PSD3: variants seen among roughly 807,000 people sequenced by gnomAD.
PSD3 encodes pleckstrin and Sec7 domain containing 3.
A neutral mutation model predicts 105.5 loss-of-function variants in PSD3; 49 were observed. The observed-to-expected ratio is 0.46, with a 90% CI of 0.37 to 0.59. PSD3 has a LOEUF of 0.59. Among genes scored for constraint, PSD3 ranks in the 20% least tolerant of loss-of-function variants. The probability of loss-of-function intolerance (pLI) is 0.00; values close to 1 mark genes in which losing one functional copy is unlikely to be tolerated. For synonymous variants in PSD3, 557 were observed against 457.8 expected (o/e 1.22, Z -2.77); for missense variants, 1,561 against 1,263.8 (o/e 1.24, Z -3.57).
intron 9 of PSD3, among the ~76,000 whole-genome samples, chr8:18,710,974 C>G (rs571738969): frequency 6.6e-6 from 1 of 151,564 alleles, no homozygotes; most frequent in African/African-American, 2.4e-5. Flanking sequence ...TGAGCCACTG[C>G]GCCTGGTCTC....
intron 9 of PSD3, among the ~76,000 whole-genome samples, chr8:18,697,204 A>C (rs1446825968): frequency 1.3e-5 from 2 of 152,204 alleles, no homozygotes; most frequent in East Asian, 3.8e-4. Context: ...GAATATCTCA[A>C]TTTGGACTAG....
intron 9 of PSD3, among the ~76,000 whole-genome samples, chr8:18,759,251 T>G (rs1424370820): frequency 6.6e-6 from 1 of 152,122 alleles, no homozygotes; most frequent in Non-Finnish European, 1.5e-5. Context: ...AAACATCTAA[T>G]AGCAAGCAAT....
At chr8:18,901,155 C>A (rs1819477803) in intron 2 of PSD3, among the ~76,000 whole-genome samples, 1 of 152,170 alleles carries the variant, frequency 6.6e-6, no homozygotes, top group African/African-American at 2.4e-5. Flanking sequence ...ATTCATGTCA[C>A]AACTCTTGTT....
In PSD3 at chr8:18,594,139, TATATTATATAATATATATTATTATATAC is replaced by T. The variant is rs1563358146; in HGVS notation, c.2481+6197_2481+6224del. 9.7e-4 allele frequency among the ~76,000 whole-genome samples: 30 copies of T among 30,798 alleles called. 1 individual carries two copies. The highest frequency in any genetic ancestry group is 1.4e-3 in the African/African-American group (16 of 11,496). The allele number at this position is 30,798 out of a possible 152,430, so 20.2% of individuals were successfully genotyped here. A position where few individuals can be genotyped will look rare whatever the true frequency, so the allele number is the denominator to read the frequency against. ...AAAGTATAATAATATATATTATATATATATTATATAATATATATTATTATATACATATTATATAATATATATTATTATA... is the reference window on the plus strand; with the variant it reads ...AAAGTATAATAATATATATTATATATATATTATATAATATATATTATTATA... On this transcript the variant is annotated intron_variant, in intron 12 of 15. Transcript: ENST00000327040.
intron 4 of PSD3, among the ~76,000 whole-genome samples, chr8:18,845,046 T>C (rs1237400436): frequency 1.3e-5 from 2 of 152,148 alleles, no homozygotes; most frequent in Non-Finnish European, 2.9e-5. Context: ...AATCTTGTTA[T>C]GTAAAGGGGA....
intron 1 of PSD3, among the ~76,000 whole-genome samples, chr8:19,037,235 C>T (rs533867613): frequency 3.3e-5 from 5 of 152,360 alleles, no homozygotes; most frequent in African/African-American, 9.6e-5. Context: ...GAAAGGTCTG[C>T]TTGCAAGATG....
chr8:19,075,659 A>G (rs1371926169), intron 1 of PSD3, among the ~76,000 whole-genome samples: 1 of 152,162 alleles, frequency 6.6e-6, no homozygotes, highest in Non-Finnish European at 1.5e-5. Context: ...TTTTCCTTAA[A>G]TTACGATGTG....
chr8:18,887,944 C>G (rs1038292212), intron 2 of PSD3, among the ~76,000 whole-genome samples: 3 of 152,150 alleles, frequency 2.0e-5, no homozygotes, highest in African/African-American at 7.2e-5. Flanking sequence ...ATGATTAACC[C>G]ATTTTATAGA....
intron 11 of PSD3, among the ~76,000 whole-genome samples, chr8:18,619,726 G>A (rs542735664): frequency 1.3e-5 from 2 of 152,084 alleles, no homozygotes; most frequent in African/African-American, 4.8e-5. Flanking sequence ...TTCACTAAAT[G>A]GATTTTTATT....
intron 15 of PSD3, among the ~76,000 whole-genome samples, chr8:18,541,447 C>T (rs868115562): frequency 1.8e-4 from 28 of 152,174 alleles, no homozygotes; most frequent in Middle Eastern, 3.2e-3. Flanking sequence ...AATTCAGGAT[C>T]CTCTGGGAAC....
At chr8:18,710,410 G>C (rs1802180321) in intron 9 of PSD3, among the ~76,000 whole-genome samples, 1 of 152,140 alleles carries the variant, frequency 6.6e-6, no homozygotes, top group Non-Finnish European at 1.5e-5. Context: ...AACCAGGTTG[G>C]AAAACATACT....
intron 10 of PSD3, among the ~76,000 whole-genome samples, chr8:18,636,532 T>C (rs1045500475): frequency 6.6e-6 from 1 of 152,206 alleles, no homozygotes; most frequent in Admixed American, 6.5e-5. Flanking sequence ...AAGTCTACAG[T>C]ACTGTGTAGT....
At chr8:18,827,419 G>A (rs537896005) in intron 4 of PSD3, among the ~76,000 whole-genome samples, 6 of 152,312 alleles carry the variant, frequency 3.9e-5, no homozygotes, top group South Asian at 2.1e-4. Context: ...TACAGGGTGC[G>A]AAGATGGGGC....
intron 2 of PSD3, among the ~76,000 whole-genome samples, chr8:18,897,502 G>C (rs1005688816): frequency 2.0e-5 from 3 of 152,098 alleles, no homozygotes; most frequent in Admixed American, 6.6e-5. Context: ...TGTGGTTCTA[G>C]GCAAATTTTA....
At chr8:18,900,500 T>A (rs1819433661) in intron 2 of PSD3, among the ~76,000 whole-genome samples, 1 of 152,096 alleles carries the variant, frequency 6.6e-6, no homozygotes, top group Non-Finnish European at 1.5e-5. Context: ...TCACCCTTCT[T>A]ATAACATCAT....
chr8:18,805,638 C>A (rs1272364514), intron 4 of PSD3, among the ~76,000 whole-genome samples: 1 of 152,112 alleles, frequency 6.6e-6, no homozygotes, highest in African/African-American at 2.4e-5. Context: ...TTGAATGGAT[C>A]TTTTAACCCT....
chr8:19,023,213 A>C (rs918978571), intron 1 of PSD3, among the ~76,000 whole-genome samples: 6 of 152,170 alleles, frequency 3.9e-5, no homozygotes, highest in African/African-American at 1.4e-4. Context: ...ATATTCAGGC[A>C]CTTTGTATTT....
At position 18,592,458 on chromosome 8, in the gene PSD3, G is replaced by A. The variant is rs536170441; in HGVS notation, c.2481+7906C>T. Reference sequence around the variant, plus strand: ...AAAGAGGGCACAAAGCTTATTTACCGAACACTTCTGAAATCTGAGGAAGGA... The same window carrying A: ...AAAGAGGGCACAAAGCTTATTTACCAAACACTTCTGAAATCTGAGGAAGGA... On this transcript the variant is annotated intron_variant, in intron 12 of 15. Transcript: ENST00000327040. 3.2e-4 allele frequency among the ~76,000 whole-genome samples: 48 copies of A among 152,160 alleles called. 1 individual carries two copies. The South Asian group carries it at 8.9e-3, about 28-fold the overall frequency.
At chr8:19,048,988 C>A (rs896271231) in intron 1 of PSD3, among the ~76,000 whole-genome samples, 1 of 152,222 alleles carries the variant, frequency 6.6e-6, no homozygotes, top group Non-Finnish European at 1.5e-5. Context: ...ACCCCTCAGT[C>A]TCTGTGTTGC....
Sources: gnomAD v4.1 joint callset for allele counts (sites outside exome capture counted in the v4.1 genomes callset) on GRCh38, gnomAD v4.1.1 for gene constraint, MANE v1.5 for transcripts, NCBI Gene and HGNC (gene_info 2026-07-23, HGNC 2026-07-21) for gene names.